The following PDE4D variants were observed in gnomAD, a reference collection of about 807,000 sequenced individuals.
PDE4D encodes the protein 3',5'-cyclic-AMP phosphodiesterase 4D.
In PDE4D, 24 loss-of-function variants were observed where a neutral mutation model predicts 87.4. That is an observed-to-expected ratio of 0.27 (90% CI 0.20 to 0.39). The LOEUF is 0.39. Ranked by LOEUF, PDE4D falls within the 10% of genes least tolerant of loss-of-function variation. The pLI, the probability that PDE4D is intolerant of heterozygous loss-of-function variation, is 1.00. For missense variants in PDE4D, 714 were observed against 1,041.0 expected (o/e 0.69, Z 4.32); for synonymous variants, 384 against 383.2 (o/e 1.00, Z -0.02).
intron 1 of PDE4D, among the ~76,000 whole-genome samples, chr5:59,340,054 C>A (rs1197016365): frequency 6.6e-6 from 1 of 152,052 alleles, no homozygotes; most frequent in Admixed American, 6.6e-5. Flanking sequence ...TCAACAGCCC[C>A]TATTTGCTAA....
chr5:59,996,111 T>C (rs1561959147), intron 2 of PDE4D, among the ~76,000 whole-genome samples: 1 of 152,174 alleles, frequency 6.6e-6, no homozygotes, highest in Non-Finnish European at 1.5e-5. Context: ...TTCTTTCAAA[T>C]ATATAGACAT....
intron 1 of PDE4D, among the ~76,000 whole-genome samples, chr5:60,361,722 G>T (rs1297823704): frequency 6.6e-6 from 1 of 152,116 alleles, no homozygotes; most frequent in Non-Finnish European, 1.5e-5. Flanking sequence ...AATTAACAAC[G>T]TTTGAGATGG....
At chr5:59,305,044 T>C (rs186198899) in intron 1 of PDE4D, among the ~76,000 whole-genome samples, 1 of 151,544 alleles carries the variant, frequency 6.6e-6, no homozygotes, top group Non-Finnish European at 1.5e-5. Context: ...TTGTTGATAA[T>C]TTTTTAAGTA....
At chr5:60,144,149 A>G (rs1780797497) in intron 2 of PDE4D, among the ~76,000 whole-genome samples, 1 of 152,158 alleles carries the variant, frequency 6.6e-6, no homozygotes, top group Admixed American at 6.5e-5. Context: ...GCAAAGGCCA[A>G]GATAAGGCTT....
chr5:59,240,007 G>T (rs1757322016), intron 1 of PDE4D, among the ~76,000 whole-genome samples: 1 of 152,078 alleles, frequency 6.6e-6, no homozygotes, highest in Non-Finnish European at 1.5e-5. Context: ...ACAATGCTTT[G>T]GTATTTTAAT....
chr5:60,054,156 A>G (rs1770520330), intron 2 of PDE4D, among the ~76,000 whole-genome samples: 1 of 152,170 alleles, frequency 6.6e-6, no homozygotes, highest in Non-Finnish European at 1.5e-5. Context: ...AACCAGATAC[A>G]CCATTTGACC....
chr5:60,371,196 T>G (rs1761001477), intron 1 of PDE4D, among the ~76,000 whole-genome samples: 1 of 152,224 alleles, frequency 6.6e-6, no homozygotes, highest in African/African-American at 2.4e-5. Context: ...CTTCCCAGGT[T>G]GCACTACGCG....
intron 1 of PDE4D, among the ~76,000 whole-genome samples, chr5:59,280,131 T>C (rs1410930290): frequency 6.6e-6 from 1 of 151,998 alleles, no homozygotes; most frequent in Non-Finnish European, 1.5e-5. Flanking sequence ...ACATCATGAG[T>C]TTGTTAGCCA....
intron 1 of PDE4D, among the ~76,000 whole-genome samples, chr5:59,772,181 G>T (rs200386082): frequency 3.9e-4 from 60 of 152,304 alleles, no homozygotes; most frequent in Non-Finnish European, 7.3e-4. Context: ...CCAAAGGTGG[G>T]TGAGGTTTGG....
chr5:59,687,199 C>T lies in PDE4D; in HGVS notation c.455+205969G>A, dbSNP rs76169407. 9.3e-3 allele frequency among the ~76,000 whole-genome samples: 1,415 copies of T among 152,098 alleles called. 25 individuals are homozygous for T. Among genetic ancestry groups the T allele is most frequent in the African/African-American group, 0.033 (1,351 of 41,498 alleles). On this transcript the variant is annotated intron_variant, in intron 1 of 14. Coordinates refer to ENST00000340635, the MANE Select transcript of PDE4D (RefSeq NM_001104631.2). ...ATCAATTTTTAAAATAATTATAACA[C>T]CCTAAAAGAAAATTACCCTCTAGTA...
intron 1 of PDE4D, among the ~76,000 whole-genome samples, chr5:60,480,754 A>G (rs908365278): frequency 6.6e-6 from 1 of 152,186 alleles, no homozygotes; most frequent in African/African-American, 2.4e-5. Context: ...TATACTTAAA[A>G]TATCTATTAA....
At chr5:60,163,900 G>C (rs1339534488) in intron 2 of PDE4D, among the ~76,000 whole-genome samples, 1 of 152,146 alleles carries the variant, frequency 6.6e-6, no homozygotes, top group Non-Finnish European at 1.5e-5. Context: ...TGACTTTCTG[G>C]AAATCTGTAC....
At chr5:60,440,653 C>T (rs1366787018) in intron 1 of PDE4D, among the ~76,000 whole-genome samples, 4 of 151,920 alleles carry the variant, frequency 2.6e-5, no homozygotes, top group South Asian at 2.1e-4. Flanking sequence ...TTGAAAAATG[C>T]ACAATGTGTT....
chr5:59,264,203 G>T (rs1388723815), intron 1 of PDE4D, among the ~76,000 whole-genome samples: 1 of 151,918 alleles, frequency 6.6e-6, no homozygotes, highest in East Asian at 1.9e-4. Flanking sequence ...ATCACCAATG[G>T]ATCACAGCAC....
chr5:59,259,478 C>T (rs1323310363), intron 1 of PDE4D, among the ~76,000 whole-genome samples: 4 of 151,766 alleles, frequency 2.6e-5, no homozygotes, highest in Non-Finnish European at 4.4e-5. Flanking sequence ...GGTCTGACTT[C>T]GAAATGATAC....
chr5:59,921,475 G>GA (rs532824961), intron 3 of PDE4D, among the ~76,000 whole-genome samples: 4 of 151,774 alleles, frequency 2.6e-5, no homozygotes, highest in African/African-American at 9.7e-5. Flanking sequence ...TTGATTTATA[G>GA]AAAAAAAACA....
chr5:60,354,789 A>C (rs1373815726), intron 1 of PDE4D, among the ~76,000 whole-genome samples: 1 of 152,178 alleles, frequency 6.6e-6, no homozygotes, highest in Non-Finnish European at 1.5e-5. Flanking sequence ...TGTCATTGAA[A>C]AAATAGTCCA....
chr5:59,487,047 G>A (rs1271013904), intron 1 of PDE4D, among the ~76,000 whole-genome samples: 1 of 152,124 alleles, frequency 6.6e-6, no homozygotes, highest in East Asian at 1.9e-4. Flanking sequence ...GAAGATAATA[G>A]GAATCATATG....
chr5:60,397,179 T>C (rs879753538), intron 1 of PDE4D, among the ~76,000 whole-genome samples: 1 of 152,202 alleles, frequency 6.6e-6, no homozygotes, highest in Non-Finnish European at 1.5e-5. Flanking sequence ...AGGGAACATC[T>C]GCACACTGTT....
Sources: gnomAD v4.1 joint callset for allele counts (sites outside exome capture counted in the v4.1 genomes callset) on GRCh38, gnomAD v4.1.1 for gene constraint, MANE v1.5 for transcripts, NCBI Gene and HGNC (gene_info 2026-07-23, HGNC 2026-07-21) for gene names.